Variants in CSMD1 observed in about 807,000 individuals in gnomAD.
The protein encoded by CSMD1 is CUB and Sushi multiple domains 1.
CSMD1 carries 213 observed loss-of-function variants against 417.5 expected under a neutral mutation model. The ratio of observed to expected loss-of-function variants is 0.51; its 90% CI spans 0.46 to 0.57. The LOEUF is 0.57. CSMD1 is among the 20% of genes least tolerant of loss of function. CSMD1 has a pLI of 0.00. For missense variants in CSMD1, 6,923 were observed against 4,529.7 expected (o/e 1.53, Z -15.17); for synonymous variants, 2,862 against 1,736.8 (o/e 1.65, Z -16.11).
At chr8:4,620,806 A>C (rs1379542443) in intron 2 of CSMD1, among the ~76,000 whole-genome samples, 2 of 151,958 alleles carry the variant, frequency 1.3e-5, no homozygotes, top group Admixed American at 6.6e-5. Flanking sequence ...AGAGAGCCAA[A>C]TTAGTGACTT....
chr8:4,555,426 T>C (rs945211006), intron 2 of CSMD1, among the ~76,000 whole-genome samples: 2 of 152,078 alleles, frequency 1.3e-5, no homozygotes, highest in African/African-American at 4.8e-5. Context: ...GGAGACCAGA[T>C]TTGGACATGC....
At chr8:3,203,278 C>T (rs74580717) in intron 31 of CSMD1, among the ~76,000 whole-genome samples, 7,945 of 152,218 alleles carry the variant, frequency 0.052, 324 homozygotes, top group Non-Finnish European at 0.073. Context: ...ATGGCCCCAA[C>T]GTCTTCCTTG....
chr8:3,865,613 G>C (rs949024447), intron 5 of CSMD1, among the ~76,000 whole-genome samples: 1 of 152,130 alleles, frequency 6.6e-6, no homozygotes, highest in South Asian at 2.1e-4. Flanking sequence ...GCGCCAATGT[G>C]TTATTCCTTC....
intron 3 of CSMD1, among the ~76,000 whole-genome samples, chr8:4,351,387 G>T (rs748316287): frequency 2.6e-5 from 4 of 152,084 alleles, no homozygotes; most frequent in Admixed American, 2.0e-4. Flanking sequence ...CTCTCTTCTC[G>T]TCTCATAGCC....
intron 5 of CSMD1, among the ~76,000 whole-genome samples, chr8:3,854,558 T>G (rs1352145917): frequency 2.0e-5 from 3 of 152,146 alleles, no homozygotes; most frequent in African/African-American, 7.2e-5. Flanking sequence ...TCTGCTTACT[T>G]AGCTTTTCTA....
At chr8:4,353,622 G>A (rs373508194) in intron 3 of CSMD1, among the ~76,000 whole-genome samples, 3 of 152,012 alleles carry the variant, frequency 2.0e-5, no homozygotes, top group African/African-American at 2.4e-5. Context: ...AAAGAGCAGA[G>A]TCACGCCCAA....
At chr8:3,648,993 C>T (rs537122287) in intron 7 of CSMD1, among the ~76,000 whole-genome samples, 95 of 152,208 alleles carry the variant, frequency 6.2e-4, no homozygotes, top group Middle Eastern at 3.4e-3. Flanking sequence ...ATTCTCTTTG[C>T]GTCCAGCTTT....
chr8:3,634,488 G>C (rs544295964), intron 7 of CSMD1, among the ~76,000 whole-genome samples: 2 of 152,140 alleles, frequency 1.3e-5, no homozygotes, highest in Non-Finnish European at 2.9e-5. Flanking sequence ...GTGGACAACC[G>C]CAAGTTTGAA....
chr8:4,133,615 A>T (rs1803242165), intron 3 of CSMD1, among the ~76,000 whole-genome samples: 1 of 152,178 alleles, frequency 6.6e-6, no homozygotes, highest in African/African-American at 2.4e-5. Flanking sequence ...CATGCTAAGC[A>T]TTGTACTAGC....
chr8:4,980,462 G>C (rs1810827915), intron 1 of CSMD1, among the ~76,000 whole-genome samples: 1 of 152,222 alleles, frequency 6.6e-6, no homozygotes, highest in Admixed American at 6.5e-5. Context: ...CTTTCAAGAG[G>C]CCTGTGGGCC....
At chr8:3,045,402 T>C (rs954753413) in intron 50 of CSMD1, among the ~76,000 whole-genome samples, 12 of 151,738 alleles carry the variant, frequency 7.9e-5, no homozygotes, top group Admixed American at 6.6e-4. Context: ...CAAAAAAAAA[T>C]AGGTATAAGT....
intron 1 of CSMD1, among the ~76,000 whole-genome samples, chr8:4,885,723 T>C (rs1803694434): frequency 6.6e-6 from 1 of 151,422 alleles, no homozygotes; most frequent in Non-Finnish European, 1.5e-5. Context: ...TACTTATGTA[T>C]TATAATATAT....
chr8:4,748,836 C>G lies in CSMD1; in HGVS notation c.86-111278G>C, dbSNP rs1811123666. ...GAACATATGCCCCTTCGGGAGAGTT[C>G]ACCACTGTGAACATACGCCCCTTCA... On this transcript the variant is annotated intron_variant, in intron 1 of 69. Coordinates refer to ENST00000635120, the MANE Select transcript of CSMD1 (RefSeq NM_033225.6). Among the ~76,000 whole-genome samples, 3 of 152,240 alleles carry G rather than the reference C, an allele frequency of 2.0e-5. 1 individual carries two copies. The South Asian group carries it at 6.2e-4, about 31-fold the overall frequency.
intron 3 of CSMD1, among the ~76,000 whole-genome samples, chr8:4,078,903 A>G (rs2554634): frequency 0.59 from 60,645 of 102,916 alleles, 15,801 homozygotes; most frequent in South Asian, 0.72. Context: ...ATAAATATAT[A>G]TATATATATA....
chr8:4,744,716 G>A (rs1324848799), intron 1 of CSMD1, among the ~76,000 whole-genome samples: 2 of 152,062 alleles, frequency 1.3e-5, no homozygotes, highest in East Asian at 3.9e-4. Flanking sequence ...CTCAGGTCAT[G>A]GTTTAATGAT....
At chr8:4,619,349 C>T (rs1459085038) in intron 2 of CSMD1, among the ~76,000 whole-genome samples, 12 of 152,090 alleles carry the variant, frequency 7.9e-5, no homozygotes, top group Admixed American at 7.9e-4. Flanking sequence ...AAGGGAATGT[C>T]AATATTTAGC....
intron 10 of CSMD1, among the ~76,000 whole-genome samples, chr8:3,503,358 C>A (rs1003365621): frequency 1.3e-5 from 2 of 152,202 alleles, no homozygotes; most frequent in Non-Finnish European, 2.9e-5. Flanking sequence ...TCAAATGTAA[C>A]TATATGACTA....
In CSMD1 at chr8:3,142,526, G is replaced by T. The variant is rs1187464582; in HGVS notation, c.6180C>A (p.Thr2060=). 3.7e-6 allele frequency: 6 copies of T among 1,613,954 alleles called. No homozygotes were observed. The highest frequency in any genetic ancestry group is 5.1e-6 in the Non-Finnish European group (6 of 1,179,900). The change falls in exon 41 of 70, where the codon ACC becomes ACA. Residue 2060 remains threonine (T), a synonymous_variant. Transcript: ENST00000635120. ...AATGGTCACTATAAAAGTGGATGAG[G>T]GTTTCATGCGTTGTGCTCAGCAGGG... ...PAALLSTTHE[T]LIHFYSDHSQ... is the part of the protein sequence containing the mutation.
chr8:3,962,804 G>A (rs1455418862), intron 5 of CSMD1, among the ~76,000 whole-genome samples: 1 of 152,098 alleles, frequency 6.6e-6, no homozygotes, highest in African/African-American at 2.4e-5. Flanking sequence ...AAACATTGAG[G>A]GCAATAAGTT....
Sources: allele counts gnomAD v4.1 joint callset (sites outside exome capture counted in the v4.1 genomes callset), GRCh38; gene constraint gnomAD v4.1.1; transcripts MANE v1.5; gene names NCBI Gene and HGNC (gene_info 2026-07-23, HGNC 2026-07-21).